Variants in MFSD6L observed in about 807,000 individuals in gnomAD.
MFSD6L encodes major facilitator superfamily domain containing 6 like, also known as major facilitator superfamily domain-containing protein 6-like.
MFSD6L carries 9 observed loss-of-function variants against 6.4 expected under a neutral mutation model. That is an observed-to-expected ratio of 1.42 (90% CI 0.85 to 2.47). The LOEUF is 2.47. MFSD6L is among the 30% of genes most tolerant of loss of function. The pLI is 0.00. For missense variants in MFSD6L, 747 were observed against 730.6 expected, an observed-to-expected ratio of 1.02 and a Z score of -0.26; for synonymous variants, 336 against 322.4, an observed-to-expected ratio of 1.04 and a Z score of -0.45.
Position 8,798,025 on chromosome 17 carries a change from G to T in MFSD6L, c.1096C>A (p.Pro366Thr). 6.2e-7 allele frequency: 1 copy of T among 1,613,976 alleles called. No individual in the cohort carries two copies. The highest frequency in any genetic ancestry group is 8.5e-7 in the Non-Finnish European group (1 of 1,180,014). The change falls in exon 1 of 1, where the codon CCC (proline) becomes ACC (threonine). Residue 366 changes from proline (P) to threonine (T), a missense_variant. Transcript: ENST00000329805. ...VKALSIVGGD[P>T]HLILLASTTV... Reference sequence around the variant, plus strand: ...GTGGAGGCGAGGAGAATGAGGTGGGGGTCACCCCCCACAATGGACAGTGCT... The same window carrying T: ...GTGGAGGCGAGGAGAATGAGGTGGGTGTCACCCCCCACAATGGACAGTGCT...
At position 8,798,763 on chromosome 17, in the gene MFSD6L, C is replaced by A. The variant is rs377558334; in HGVS notation, c.358G>T (p.Ala120Ser). 1.1e-5 allele frequency: 17 copies of A among 1,613,874 alleles called. No individual in the cohort carries two copies. Among genetic ancestry groups the A allele is most frequent in the Non-Finnish European group, 1.4e-5 (16 of 1,180,034 alleles). The change falls in exon 1 of 1, where the codon GCA becomes TCA. Residue 120 changes from alanine to serine, a missense_variant. Transcript: ENST00000329805. ...NGSSGLTSTD[A>S]LPGVTLPVNI... ...ACAGGTAGCGTGACCCCCGGGAGTGCGTCTGTGCTGGTCAGGCCGCTGCTT... is the reference window on the plus strand; with the variant it reads ...ACAGGTAGCGTGACCCCCGGGAGTGAGTCTGTGCTGGTCAGGCCGCTGCTT...
In MFSD6L at chr17:8,797,412, C is replaced by T. The variant is rs1162800095; in HGVS notation, c.1709G>A (p.Gly570Glu). ...EVSDTSDSEQ[G>E]TEQDWLVKAM... ...CTTCACAAGCCAGTCCTGTTCTGTC[C>T]CCTGCTCAGAGTCACTGGTGTCACT... The change falls in exon 1 of 1, where the codon GGG (glycine) becomes GAG (glutamate). Residue 570 changes from glycine (G) to glutamate (E), a missense_variant. Physicochemically the swap from Gly to Glu is moderately conservative, Grantham distance 98 (BLOSUM62 -2). Transcript: ENST00000329805. 2 of 1,606,958 alleles carry T rather than the reference C, an allele frequency of 1.2e-6. No individual in the cohort carries two copies. The highest frequency in any genetic ancestry group is 1.7e-5 in the Admixed American group (1 of 59,480).
Position 8,798,304 on chromosome 17 carries a change from C to T in MFSD6L, c.817G>A (p.Glu273Lys). The stretch of plus-strand genomic sequence containing the variant: ...GTGGCATCCACAAAATCCAGGAACT[C>T]ATAAAGGCTGTCATCTGCCACCTGC... Reference protein sequence around the residue: ...LEQVADDSLYEFLDFVDATDR... With the variant: ...LEQVADDSLYKFLDFVDATDR... The change falls in exon 1 of 1, where the codon GAG (glutamate) becomes AAG (lysine). Residue 273 changes from glutamate (E) to lysine (K), a missense_variant. Glu to Lys is a moderately conservative substitution (Grantham distance 56, BLOSUM62 1). Transcript: ENST00000329805. The T allele has an allele frequency of 1.2e-6, 2 of 1,608,106 alleles. No homozygotes were observed. Among genetic ancestry groups the T allele is most frequent in the Non-Finnish European group, 1.7e-6 (2 of 1,179,994 alleles).
Position 8,797,963 on chromosome 17 carries a change from C to T in MFSD6L, c.1158G>A (p.Gln386=). ...VLVGAIVSTV[Q]NFLFWHMKDH... is the part of the protein sequence containing the mutation. ...CCTTCATGTGCCAGAACAGAAAGTTCTGGACAGTACTGACGATGGCTCCTA... is the reference window on the plus strand; with the variant it reads ...CCTTCATGTGCCAGAACAGAAAGTTTTGGACAGTACTGACGATGGCTCCTA... Residue 386 remains glutamine, a synonymous_variant, in exon 1 of 1, where the codon CAG becomes CAA. Coordinates refer to ENST00000329805, the MANE Select transcript of MFSD6L (RefSeq NM_152599.4). 1 of 1,614,032 alleles carries T rather than the reference C, an allele frequency of 6.2e-7. No homozygotes were observed. Among genetic ancestry groups the T allele is most frequent in the Non-Finnish European group, 8.5e-7 (1 of 1,180,026 alleles).
At position 8,799,015 on chromosome 17, in the gene MFSD6L, G is replaced by A. The variant is rs371017606; in HGVS notation, c.106C>T (p.Leu36Phe). ...REACVTPFLT[L>F]YLRQLGLAAP... ...GCCAAGCCCAGCTGCCTCAGGTAAA[G>A]GGTCAGGAACGGGGTCACGCAGGCT... The change falls in exon 1 of 1, where the codon CTT becomes TTT. Residue 36 changes from leucine (L) to phenylalanine (F), a missense_variant. Physicochemically the swap from Leu to Phe is conservative, Grantham distance 22. Transcript: ENST00000329805. The surrounding 1 kb of genome is among the most constrained non-coding windows in gnomAD (Gnocchi z 5.3). 3 of 1,613,624 alleles carry A rather than the reference G, an allele frequency of 1.9e-6. No individual in the cohort carries two copies. The highest frequency in any genetic ancestry group is 2.2e-5 in the South Asian group (2 of 91,072).
Position 8,798,193 on chromosome 17 carries a change from C to A in MFSD6L, c.928G>T (p.Asp310Tyr). The change falls in exon 1 of 1, where the codon GAC becomes TAC. Residue 310 changes from aspartate (D) to tyrosine (Y), a missense_variant. Physicochemically the swap from Asp to Tyr is radical, Grantham distance 160 (BLOSUM62 -3). Coordinates refer to ENST00000329805, the MANE Select transcript of MFSD6L (RefSeq NM_152599.4). ...GGGCCACTGGTCATCAGGAAGCAGTCCAGCTGCCCCACCAAGGCTGTGATG... is the reference window on the plus strand; with the variant it reads ...GGGCCACTGGTCATCAGGAAGCAGTACAGCTGCCCCACCAAGGCTGTGATG... ...CGITALVGQL[D>Y]CFLMTSGPRG... is the part of the protein sequence containing the mutation. 1 of 1,612,574 alleles carries A rather than the reference C, an allele frequency of 6.2e-7. No homozygotes were observed. Among genetic ancestry groups the A allele is most frequent in the Non-Finnish European group, 8.5e-7 (1 of 1,179,984 alleles).
Position 8,799,181 on chromosome 17 carries a change from C to G in MFSD6L, c.-61G>C. ...GGCGGAGCTGGGCGCAGGGCGGGCG[C>G]GGCCCCAGGTACCCGGGAGGGAGGC... is the stretch of plus-strand genomic sequence containing the variant. On this transcript the variant is annotated 5_prime_UTR_variant, in exon 1 of 1. Coordinates refer to ENST00000329805, the MANE Select transcript of MFSD6L (RefSeq NM_152599.4). This position sits in a 1 kb window ranked among gnomAD's most constrained non-coding sequence, Gnocchi z 5.3. 1 of 1,441,134 alleles carries G rather than the reference C, an allele frequency of 6.9e-7. No homozygotes were observed. The highest frequency in any genetic ancestry group is 9.2e-7 in the Non-Finnish European group (1 of 1,088,700). The allele number at this position is 1,441,134 out of a possible 1,614,324, so 89.3% of individuals were successfully genotyped here. A position where few individuals can be genotyped will look rare whatever the true frequency, so the allele number is the denominator to read the frequency against.
chr17:8,798,489 G>C lies in MFSD6L; in HGVS notation c.632C>G (p.Pro211Arg), dbSNP rs746768854. The part of the protein sequence containing the change: ...VTFEVVKTAL[P>R]LLPGGKGPGN... ...GGGCCCTTTCCCCCCAGGAAGCAAGGGGAGGGCTGTCTTGACCACCTCAAA... is the reference window on the plus strand; with the variant it reads ...GGGCCCTTTCCCCCCAGGAAGCAAGCGGAGGGCTGTCTTGACCACCTCAAA... Residue 211 changes from proline to arginine, a missense_variant, in exon 1 of 1, where the codon CCC becomes CGC. Coordinates refer to ENST00000329805, the MANE Select transcript of MFSD6L (RefSeq NM_152599.4). The C allele has an allele frequency of 6.2e-6, 10 of 1,608,766 alleles. No individual in the cohort carries two copies. Among genetic ancestry groups the C allele is most frequent in the Non-Finnish European group, 8.5e-6 (10 of 1,176,668 alleles).
Position 8,798,855 on chromosome 17 carries a change from C to T in MFSD6L, c.266G>A (p.Gly89Glu), listed in dbSNP as rs776782002. 8.7e-6 allele frequency: 14 copies of T among 1,613,972 alleles called. No homozygotes were observed. Among genetic ancestry groups the T allele is most frequent in the Non-Finnish European group, 1.2e-5 (14 of 1,180,004 alleles). The change falls in exon 1 of 1, where the codon GGG becomes GAG. Residue 89 changes from glycine (G) to glutamate (E), a missense_variant. By Grantham distance (98) the Gly-to-Glu change is moderately conservative. Coordinates refer to ENST00000329805, the MANE Select transcript of MFSD6L (RefSeq NM_152599.4). ...GACCAGGACCATCAGCAGGCTGGCCCCCACCGAGCCGAGCAGGGAGCCGAT... is the reference window on the plus strand; with the variant it reads ...GACCAGGACCATCAGCAGGCTGGCCTCCACCGAGCCGAGCAGGGAGCCGAT... The part of the protein sequence containing the change: ...LLIGSLLGSV[G>E]ASLLMVLVPP...
rs761836325 is a variant in MFSD6L, at chr17:8,798,793, T to C, written c.328A>G (p.Asn110Asp). Residue 110 changes from asparagine to aspartate, a missense_variant, in exon 1 of 1, where the codon AAT (asparagine) becomes GAT (aspartate). Asn to Asp is a conservative substitution (Grantham distance 23). Transcript: ENST00000329805. ...GTGCTGGTCAGGCCGCTGCTTCCAT[T>C]ACAAGGGAAGTGCACCCGATTTTTG... Reference protein sequence around the residue: ...VDKNRVHFPCNGSSGLTSTDA... With the variant: ...VDKNRVHFPCDGSSGLTSTDA... 1 of 1,613,938 alleles carries C rather than the reference T, an allele frequency of 6.2e-7. No homozygotes were observed. Among genetic ancestry groups the C allele is most frequent in the Non-Finnish European group, 8.5e-7 (1 of 1,179,986 alleles).
chr17:8,797,674 C>T lies in MFSD6L; in HGVS notation c.1447G>A (p.Ala483Thr), dbSNP rs1362894560. Residue 483 changes from alanine (A) to threonine (T), a missense_variant, in exon 1 of 1, where the codon GCC (alanine) becomes ACC (threonine). Coordinates refer to ENST00000329805, the MANE Select transcript of MFSD6L (RefSeq NM_152599.4). Reference protein sequence around the residue: ...WAVGASVEDLATPRMERALSA... With the variant: ...WAVGASVEDLTTPRMERALSA... ...AGAGCCCTCTCCATGCGGGGAGTGG[C>T]CAGGTCCTCTACTGAGGCCCCCACA... 1 of 1,613,518 alleles carries T rather than the reference C, an allele frequency of 6.2e-7. No homozygotes were observed. The highest frequency in any genetic ancestry group is 8.5e-7 in the Non-Finnish European group (1 of 1,180,012).
rs939084625 is a variant in MFSD6L, at chr17:8,799,258, G to A, written c.-138C>T. On this transcript the variant is annotated 5_prime_UTR_variant, in exon 1 of 1. Transcript: ENST00000329805. The surrounding 1 kb of genome is among the most constrained non-coding windows in gnomAD (Gnocchi z 5.3). The stretch of plus-strand genomic sequence containing the variant: ...GGGACTGCGCCCCCGGTCTGGGGCG[G>A]CGCCGCGGTCACCAGGTCAACGGCC... 3.2e-5 allele frequency: 22 copies of A among 695,486 alleles called. No homozygotes were observed. In the African/African-American group the frequency reaches 3.6e-4, roughly 11 times the overall value. 43.1% of individuals were successfully genotyped at this position (695,486 alleles called of 1,614,324 possible).
At position 8,797,575 on chromosome 17, in the gene MFSD6L, T is replaced by C. The variant is rs1188874764; in HGVS notation, c.1546A>G (p.Met516Val). The change falls in exon 1 of 1, where the codon ATG becomes GTG. Residue 516 changes from methionine to valine, a missense_variant. By Grantham distance (21) the Met-to-Val change is conservative. Coordinates refer to ENST00000329805, the MANE Select transcript of MFSD6L (RefSeq NM_152599.4). ...TAGAGCACAGCCAGGCTGAAGCGCA[T>C]CACCACGAAGCCCCCGACAAAGCTG... ...LGSFVGGFVVMRFSLAVLYQA... is the reference protein window; with the variant it reads ...LGSFVGGFVVVRFSLAVLYQA... 1.2e-6 allele frequency: 2 copies of C among 1,613,450 alleles called. No individual in the cohort carries two copies. Among genetic ancestry groups the C allele is most frequent in the Non-Finnish European group, 1.7e-6 (2 of 1,179,738 alleles).
In MFSD6L at chr17:8,798,556, G is replaced by A; in HGVS notation, c.565C>T (p.Pro189Ser). ...ARTTSQALLHPVTSGLKDHPW... is the reference protein window; with the variant it reads ...ARTTSQALLHSVTSGLKDHPW... Reference sequence around the variant, plus strand: ...TGATCTTTCAGCCCCGAAGTGACAGGATGGAGGAGAGCTTGGGATGTGGTC... The same window carrying A: ...TGATCTTTCAGCCCCGAAGTGACAGAATGGAGGAGAGCTTGGGATGTGGTC... Residue 189 changes from proline to serine, a missense_variant, in exon 1 of 1, where the codon CCT becomes TCT. Transcript: ENST00000329805. 1.9e-6 allele frequency: 3 copies of A among 1,614,078 alleles called. No homozygotes were observed. Among genetic ancestry groups the A allele is most frequent in the Non-Finnish European group, 2.5e-6 (3 of 1,179,954 alleles).
chr17:8,797,497 G>T lies in MFSD6L; in HGVS notation c.1624C>A (p.Gln542Lys). ...LLWLALLLSI[Q>K]RRLPRERKIK... The stretch of plus-strand genomic sequence containing the variant: ...TTCCGCTCTCGGGGCAGCCTCCGCT[G>T]TATGGACAGGAGCAAGGCCAACCAG... Residue 542 changes from glutamine to lysine, a missense_variant, in exon 1 of 1, where the codon CAG becomes AAG. Transcript: ENST00000329805. 3 of 1,614,148 alleles carry T rather than the reference G, an allele frequency of 1.9e-6. No individual in the cohort carries two copies. The highest frequency in any genetic ancestry group is 2.5e-6 in the Non-Finnish European group (3 of 1,180,014).
rs142139342 is a variant in MFSD6L, at chr17:8,798,007, C to G, written c.1114G>C (p.Ala372Pro). The change falls in exon 1 of 1, where the codon GCC becomes CCC. Residue 372 changes from alanine (A) to proline (P), a missense_variant. By Grantham distance (27) the Ala-to-Pro change is conservative. Coordinates refer to ENST00000329805, the MANE Select transcript of MFSD6L (RefSeq NM_152599.4). ...VGGDPHLILLASTTVLVGAIV... is the reference protein window; with the variant it reads ...VGGDPHLILLPSTTVLVGAIV... ...GCTCCTACCAAAACAGTGGTGGAGG[C>G]GAGGAGAATGAGGTGGGGGTCACCC... The G allele has an allele frequency of 6.2e-7, 1 of 1,613,818 alleles. No individual in the cohort carries two copies. The highest frequency in any genetic ancestry group is 2.2e-5 in the East Asian group (1 of 44,864).
In MFSD6L at chr17:8,798,446, C is replaced by A; in HGVS notation, c.675G>T (p.Leu225Phe). The A allele has an allele frequency of 6.2e-7, 1 of 1,607,090 alleles. No homozygotes were observed. The highest frequency in any genetic ancestry group is 8.5e-7 in the Non-Finnish European group (1 of 1,176,062). ...CCCAGGCTTTCCCCTTGGTCCCTGA[C>A]AAATTGGCTGGATTCCCGGGCCCTT... ...GGKGPGNPAN[L>F]SGTKGKAWAF... is the part of the protein sequence containing the mutation. Residue 225 changes from leucine (L) to phenylalanine (F), a missense_variant, in exon 1 of 1, where the codon TTG (leucine) becomes TTT (phenylalanine). Leu to Phe is a conservative substitution (Grantham distance 22). Transcript: ENST00000329805.
rs775689714 is a variant in MFSD6L at position 8,798,853 on chromosome 17, C to T, written c.268G>A (p.Ala90Thr). 1.0e-4 allele frequency: 166 copies of T among 1,613,876 alleles called. No individual in the cohort carries two copies. Among genetic ancestry groups the T allele is most frequent in the Non-Finnish European group, 1.3e-4 (158 of 1,180,036 alleles). Reference sequence around the variant, plus strand: ...GGGACCAGGACCATCAGCAGGCTGGCCCCCACCGAGCCGAGCAGGGAGCCG... The same window carrying T: ...GGGACCAGGACCATCAGCAGGCTGGTCCCCACCGAGCCGAGCAGGGAGCCG... ...LIGSLLGSVG[A>T]SLLMVLVPPV... is the part of the protein sequence containing the mutation. Residue 90 changes from alanine (A) to threonine (T), a missense_variant, in exon 1 of 1, where the codon GCC becomes ACC. By Grantham distance (58) the Ala-to-Thr change is moderately conservative. Coordinates refer to ENST00000329805, the MANE Select transcript of MFSD6L (RefSeq NM_152599.4).
In MFSD6L at chr17:8,797,914, T is replaced by C; in HGVS notation, c.1207A>G (p.Met403Val). The change falls in exon 1 of 1, where the codon ATG becomes GTG. Residue 403 changes from methionine (M) to valine (V), a missense_variant. Coordinates refer to ENST00000329805, the MANE Select transcript of MFSD6L (RefSeq NM_152599.4). ...AAGCTGAGGGCGACCGAGAAACCCA[T>C]GACCAGCTCGCCGCTCCCATGGTCC... ...MKDHGSGELV[M>V]GFSVALSLLG... The C allele has an allele frequency of 1.2e-6, 2 of 1,613,842 alleles. No individual in the cohort carries two copies. The highest frequency in any genetic ancestry group is 1.7e-6 in the Non-Finnish European group (2 of 1,179,970).
Sources: allele counts gnomAD v4.1 joint callset, GRCh38; gene constraint gnomAD v4.1.1; non-coding constraint Gnocchi (gnomAD v3.1); transcripts MANE v1.5; gene names NCBI Gene and HGNC (gene_info 2026-07-23, HGNC 2026-07-21).